SMC1B: variants seen among roughly 807,000 people sequenced by gnomAD.
The protein encoded by SMC1B is structural maintenance of chromosomes protein 1B.
SMC1B carries 60 observed loss-of-function variants against 157.9 expected under a neutral mutation model. The ratio of observed to expected loss-of-function variants is 0.38; its 90% confidence interval spans 0.31 to 0.47. The LOEUF (loss-of-function observed/expected upper bound fraction) is 0.47, where lower values mean the gene tolerates loss of function less well. SMC1B is among the 20% of genes least tolerant of loss of function. The probability of loss-of-function intolerance (pLI) is 0.99; values close to 1 mark genes in which losing one functional copy is unlikely to be tolerated. For synonymous variants in SMC1B, 445 were observed against 483.0 expected (o/e 0.92, Z 1.03); for missense variants, 1,165 against 1,426.2 (o/e 0.82, Z 2.95).
intron 17 of SMC1B, among the ~76,000 whole-genome samples, chr22:45,360,853 A>G (rs1251902823): frequency 6.6e-6 from 1 of 152,228 alleles, no homozygotes; most frequent in Admixed American, 6.5e-5. Flanking sequence ...CTAATCACTC[A>G]TGGTTATGTA....
At chr22:45,368,475 T>C (rs1010478633) in intron 15 of SMC1B, among the ~76,000 whole-genome samples, 2 of 152,118 alleles carry the variant, frequency 1.3e-5, no homozygotes, top group African/African-American at 4.8e-5. Context: ...TATGTTCCTT[T>C]CATAAAAAGA....
intron 23 of SMC1B, 96 bp from the exon 24 acceptor site, chr22:45,345,665 T>C (rs1038666537): frequency 2.8e-6 from 2 of 720,138 alleles, no homozygotes; most frequent in Non-Finnish European, 5.0e-6. Flanking sequence ...CTGGTCAGTT[T>C]AGGTGACAAG....
rs180993407 is a variant in SMC1B, at chr22:45,362,158, G to A, written c.2563-174C>T. ...CACGTTCTACACTTTTTAGAAACTGGTGATCATTACCTGCCTTTATCCTTC... is the reference window on the plus strand; with the variant it reads ...CACGTTCTACACTTTTTAGAAACTGATGATCATTACCTGCCTTTATCCTTC... On this transcript the variant is annotated intron_variant, in intron 16 of 24. Coordinates refer to ENST00000357450, the MANE Select transcript of SMC1B (RefSeq NM_148674.5). Among the ~76,000 whole-genome samples, 788 of 152,202 alleles carry A rather than the reference G, an allele frequency of 5.2e-3. 2 individuals carry two copies. Among genetic ancestry groups the A allele is most frequent in the Non-Finnish European group, 9.7e-3 (663 of 68,018 alleles).
intron 12 of SMC1B, among the ~76,000 whole-genome samples, chr22:45,374,683 C>T (rs754339783): frequency 6.6e-6 from 1 of 152,156 alleles, no homozygotes; most frequent in Non-Finnish European, 1.5e-5. Flanking sequence ...TAAAGCCCTA[C>T]GAACTGAAGC....
chr22:45,383,657 G>C, intron 11 of SMC1B, 44 bp from the exon 12 acceptor site: 1 of 1,509,640 alleles, frequency 6.6e-7, no homozygotes, highest in Non-Finnish European at 8.9e-7. Context: ...TGTACATAAA[G>C]ATACAAATAA....
At chr22:45,375,916 G>C (rs753286059) in intron 12 of SMC1B, among the ~76,000 whole-genome samples, 1 of 152,016 alleles carries the variant, frequency 6.6e-6, no homozygotes, top group Admixed American at 6.6e-5. Flanking sequence ...TTATATTAAA[G>C]TTATACTACC....
intron 16 of SMC1B, 37 bp downstream of exon 16, chr22:45,362,848 C>A: frequency 6.4e-7 from 1 of 1,552,140 alleles, no homozygotes; most frequent in South Asian, 1.2e-5. Flanking sequence ...GTCATAATTT[C>A]AATGAAGAGG....
intron 7 of SMC1B, 56 bp downstream of exon 7, chr22:45,396,290 G>A: frequency 6.7e-7 from 1 of 1,486,194 alleles, no homozygotes; most frequent in South Asian, 1.3e-5. Context: ...GGTACAAAAA[G>A]GAAATAAAAT....
chr22:45,410,566 G>A (rs1427236889), intron 1 of SMC1B, among the ~76,000 whole-genome samples: 2 of 151,992 alleles, frequency 1.3e-5, no homozygotes, highest in Admixed American at 6.6e-5. Context: ...AGCCAGCTGT[G>A]GTGGCGTGCG....
intron 24 of SMC1B, 88 bp downstream of exon 24, chr22:45,345,371 A>G: frequency 1.4e-6 from 1 of 696,798 alleles, no homozygotes; most frequent in Non-Finnish European, 2.5e-6. Flanking sequence ...TCCATTTGGA[A>G]GTTTTAATTA....
intron 4 of SMC1B, 45 bp downstream of exon 4, chr22:45,406,415 G>A: frequency 6.5e-7 from 1 of 1,533,608 alleles, no homozygotes; most frequent in Non-Finnish European, 8.9e-7. Flanking sequence ...AACATAGAAA[G>A]TTTTATATCC....
Position 45,386,908 on chromosome 22 carries a change from C to A in SMC1B, c.1870G>T (p.Glu624Ter). The stretch of plus-strand genomic sequence containing the variant: ...CCACTGAGTGCAATATGCCTTGCTT[C>A]TTCCATAGTCTCACAAACAAGACCA... ...GNGLVCETME[E>*]ARHIALSGPE... Residue 624 changes from glutamate (E) to a stop codon, truncating the protein, a stop_gained, in exon 11 of 25, where the codon GAA (glutamate) becomes TAA (stop). Coordinates refer to ENST00000357450, the MANE Select transcript of SMC1B (RefSeq NM_148674.5). LOFTEE classifies it high-confidence loss of function. 1 of 1,614,082 alleles carries A rather than the reference C, an allele frequency of 6.2e-7. No homozygotes were observed. Among genetic ancestry groups the A allele is most frequent in the Non-Finnish European group, 8.5e-7 (1 of 1,179,982 alleles).
At chr22:45,376,486 C>A (rs1419565297) in intron 12 of SMC1B, among the ~76,000 whole-genome samples, 1 of 152,178 alleles carries the variant, frequency 6.6e-6, no homozygotes, top group African/African-American at 2.4e-5. Context: ...AATAATGCTG[C>A]TATGAACATG....
intron 4 of SMC1B, among the ~76,000 whole-genome samples, chr22:45,405,420 C>T (rs895848492): frequency 2.0e-5 from 3 of 151,882 alleles, no homozygotes; most frequent in Non-Finnish European, 4.4e-5. Flanking sequence ...GGAACGGTGG[C>T]GGGCACCTGT....
chr22:45,352,079 A>T (rs2086621077), intron 22 of SMC1B, among the ~76,000 whole-genome samples: 1 of 152,146 alleles, frequency 6.6e-6, no homozygotes, highest in Non-Finnish European at 1.5e-5. Flanking sequence ...TAATAACAGA[A>T]ATTGAATAAA....
At chr22:45,407,060 G>A (rs1034635914) in intron 2 of SMC1B, among the ~76,000 whole-genome samples, 195 bp from the exon 3 acceptor site, 5 of 151,944 alleles carry the variant, frequency 3.3e-5, no homozygotes, top group African/African-American at 7.3e-5. Flanking sequence ...TTACAGTGGC[G>A]AACAAAACAC....
Position 45,402,461 on chromosome 22 carries a change from T to C in SMC1B, c.726A>G (p.Leu242=), listed in dbSNP as rs1056903042. Residue 242 remains leucine, a synonymous_variant, in exon 5 of 25, where the codon TTA becomes TTG. Coordinates refer to ENST00000357450, the MANE Select transcript of SMC1B (RefSeq NM_148674.5). The part of the protein sequence containing the change: ...EKKIHLLNTK[L]EHVNRDLSVK... ...CACTCAAATCCCTATTCACATGCTC[T>C]AACTTGGTGTTCAGGAGATGAATCT... 1 of 1,613,882 alleles carries C rather than the reference T, an allele frequency of 6.2e-7. No individual in the cohort carries two copies. Among genetic ancestry groups the C allele is most frequent in the Admixed American group, 1.7e-5 (1 of 60,022 alleles).
At chr22:45,369,906 T>C (rs61762663) in intron 15 of SMC1B, 48 bp downstream of exon 15, 885 of 1,049,466 alleles carry the variant, frequency 8.4e-4, no homozygotes, top group Non-Finnish European at 1.1e-3. Context: ...ATAATAACTA[T>C]TTTTATAAAT....
Position 45,344,515 on chromosome 22 carries a change from G to A in SMC1B, c.*41C>T, listed in dbSNP as rs773218775. 4 of 1,405,678 alleles carry A rather than the reference G, an allele frequency of 2.8e-6. No homozygotes were observed. The highest frequency in any genetic ancestry group is 4.6e-5 in the East Asian group (2 of 43,788). The allele number at this position is 1,405,678 out of a possible 1,614,324, so 87.1% of individuals were successfully genotyped here. On this transcript the variant is annotated 3_prime_UTR_variant, in exon 25 of 25. Transcript: ENST00000357450. Reference sequence around the variant, plus strand: ...GGAGGAGCTGTGTGAGTATTAGAGTGGGAACTGAACAGTGATCAGGTGACT... The same window carrying A: ...GGAGGAGCTGTGTGAGTATTAGAGTAGGAACTGAACAGTGATCAGGTGACT...
Sources: gnomAD v4.1 joint callset for allele counts (sites outside exome capture counted in the v4.1 genomes callset) on GRCh38, gnomAD v4.1.1 for gene constraint, MANE v1.5 for transcripts, NCBI Gene and HGNC (gene_info 2026-07-23, HGNC 2026-07-21) for gene names.